The following CCNQ variants were observed in gnomAD, a reference collection of about 807,000 sequenced individuals.
The protein encoded by CCNQ is cyclin Q.
In CCNQ, 3 loss-of-function variants were observed where a neutral mutation model predicts 17.7. That is an observed-to-expected ratio of 0.17 (90% confidence interval 0.08 to 0.44). CCNQ has a LOEUF of 0.44. CCNQ is among the 20% of genes least tolerant of loss of function. CCNQ has a pLI of 0.99. For missense variants in CCNQ, 146 were observed against 222.6 expected, an observed-to-expected ratio of 0.66 and a Z score of 2.19; for synonymous variants, 73 against 96.0, an observed-to-expected ratio of 0.76 and a Z score of 1.40.
chrX:153,592,745 C>T lies in CCNQ; in HGVS notation c.430-12G>A, dbSNP rs377148166. ...TAGTGGAGCAGGTACTGCAAAGACA[C>T]GTGTGTCAGCCTTTAGGCCCACCAG... On this transcript the variant is annotated splice_polypyrimidine_tract_variant and intron_variant, in intron 3 of 4. Coordinates refer to ENST00000576892, the MANE Select transcript of CCNQ (RefSeq NM_152274.5). 3.7e-4 allele frequency: 439 copies of T among 1,192,391 alleles called. No homozygotes were observed. The highest frequency in any genetic ancestry group is 4.6e-4 in the Middle Eastern group (2 of 4,329).
rs2090969430 is a variant in CCNQ at position 153,588,444 on chromosome X, T to G, written c.668A>C (p.Asp223Ala). The change falls in exon 5 of 5, where the codon GAC becomes GCC. Residue 223 changes from aspartate to alanine, a missense_variant. Physicochemically the swap from Asp to Ala is moderately radical, Grantham distance 126 (BLOSUM62 -2). Coordinates refer to ENST00000576892, the MANE Select transcript of CCNQ (RefSeq NM_152274.5). Reference protein sequence around the residue: ...AEKPWWQVFNDDLTKPIIDNI... With the variant: ...AEKPWWQVFNADLTKPIIDNI... ...ATCAATGATTGGCTTGGTAAGGTCG[T>G]CATTAAACACCTAGAAAGAAGAAGG... The G allele has an allele frequency of 8.3e-7, 1 of 1,200,386 alleles. No individual in the cohort carries two copies. The highest frequency in any genetic ancestry group is 2.2e-5 in the Admixed American group (1 of 45,857).
intron 1 of CCNQ, 31 bp downstream of exon 1, chrX:153,598,931 G>C: frequency 9.5e-7 from 1 of 1,051,520 alleles, no homozygotes; most frequent in Non-Finnish European, 1.3e-6. Context: ...CCGCGGCGCC[G>C]CCTGTCCTGG....
Position 153,596,206 on chromosome X carries a change from C to A in CCNQ, c.113-19G>T, listed in dbSNP as rs1185168027. On this transcript the variant is annotated intron_variant, in intron 1 of 4. Transcript: ENST00000576892. ...TTGACACCTGCGGAGAGAAAGCAGG[C>A]AAGAGAGGACTTCAATCCAGCGCTG... 2 of 1,207,241 alleles carry A rather than the reference C, an allele frequency of 1.7e-6. No homozygotes were observed. The highest frequency in any genetic ancestry group is 2.2e-6 in the Non-Finnish European group (2 of 892,363).
At chrX:153,595,205 C>A (rs886102675) in intron 2 of CCNQ, among the ~76,000 whole-genome samples, 11 of 113,325 alleles carry the variant, frequency 9.7e-5, no homozygotes, top group African/African-American at 3.5e-4. Context: ...GCAGCCTTGA[C>A]CTCCTGGGCT....
rs1256747281 is a variant in CCNQ at position 153,594,598 on chromosome X, A to C, written c.378T>G (p.Leu126=). Reference sequence around the variant, plus strand: ...GGAAGCGCAGAACTCTCAGCATGAGAAGCTCACACTGCACGATGCTGTCCC... The same window carrying C: ...GGAAGCGCAGAACTCTCAGCATGAGCAGCTCACACTGCACGATGCTGTCCC... The part of the protein sequence containing the change: ...ELRDSIVQCE[L]LMLRVLRFQV... The change falls in exon 3 of 5, where the codon CTT becomes CTG. Residue 126 remains leucine, a synonymous_variant. Coordinates refer to ENST00000576892, the MANE Select transcript of CCNQ (RefSeq NM_152274.5). 84 of 1,211,083 alleles carry C rather than the reference A, an allele frequency of 6.9e-5. No individual in the cohort carries two copies. Among genetic ancestry groups the C allele is most frequent in the Non-Finnish European group, 9.3e-5 (83 of 895,048 alleles).
intron 2 of CCNQ, among the ~76,000 whole-genome samples, chrX:153,595,388 G>A (rs1425421043): frequency 1.8e-5 from 2 of 113,757 alleles, no homozygotes; most frequent in Non-Finnish European, 3.7e-5. Flanking sequence ...AAAGTGCTGG[G>A]ATCACAGGCG....
chrX:153,589,379 G>A (rs1464214252), intron 4 of CCNQ, among the ~76,000 whole-genome samples: 2 of 113,043 alleles, frequency 1.8e-5, no homozygotes, highest in African/African-American at 6.4e-5. Context: ...TCCCCTGGGC[G>A]AGGAGCCGCT....
chrX:153,596,949 G>A (rs782260222), intron 1 of CCNQ, among the ~76,000 whole-genome samples: 1 of 112,236 alleles, frequency 8.9e-6, no homozygotes, highest in East Asian at 2.8e-4. Context: ...AGGCAACAGA[G>A]TGAGACCCTG....
At chrX:153,596,422 C>A (rs781828906) in intron 1 of CCNQ, among the ~76,000 whole-genome samples, 2 of 112,080 alleles carry the variant, frequency 1.8e-5, no homozygotes, top group East Asian at 2.8e-4. Context: ...TGTAGGTCTG[C>A]GGCTCTGAGA....
chrX:153,594,265 C>A (rs1400712906), intron 3 of CCNQ, among the ~76,000 whole-genome samples: 1 of 112,600 alleles, frequency 8.9e-6, no homozygotes, highest in Non-Finnish European at 1.9e-5. Flanking sequence ...ACAGGAGCTG[C>A]CACAGCTTCA....
At chrX:153,589,231 G>A (rs916393794) in intron 4 of CCNQ, among the ~76,000 whole-genome samples, 12 of 113,003 alleles carry the variant, frequency 1.1e-4, no homozygotes, top group African/African-American at 2.2e-4. Flanking sequence ...GGTTGGCCAC[G>A]CAGGCGCTCC....
At position 153,588,152 on chromosome X, in the gene CCNQ, G is replaced by A. The variant is rs1194558024; in HGVS notation, c.*213C>T. On this transcript the variant is annotated 3_prime_UTR_variant, in exon 5 of 5. Transcript: ENST00000576892. ...CACACAGTACACTCCCGGCCTGCCC[G>A]CTGGAGGCGCGGCTCCCACCATCAC... The A allele has an allele frequency of 3.7e-5, 19 of 519,858 alleles. No individual in the cohort carries two copies. Among genetic ancestry groups the A allele is most frequent in the South Asian group, 1.8e-4 (7 of 39,588 alleles). The allele number at this position is 519,858 out of a possible 1,213,427, so 42.8% of individuals were successfully genotyped here.
rs2091036021 is a variant in CCNQ, at chrX:153,597,480, T to G, written c.113-1293A>C. 5.4e-5 allele frequency: 6 copies of G among 111,890 alleles called. No individual in the cohort carries two copies. The South Asian group carries it at 2.2e-3, about 42-fold the overall frequency. 9.2% of individuals were successfully genotyped at this position (111,890 alleles called of 1,213,427 possible). A position where few individuals can be genotyped will look rare whatever the true frequency, so the allele number is the denominator to read the frequency against. On this transcript the variant is annotated intron_variant, in intron 1 of 4. Coordinates refer to ENST00000576892, the MANE Select transcript of CCNQ (RefSeq NM_152274.5). ...TGGTTGCTGGCCCCTTCCTCCATCT[T>G]CAAAGCTTCTAACTCTGCTTCTGTC...
intron 4 of CCNQ, among the ~76,000 whole-genome samples, chrX:153,590,934 C>T (rs1424172107): frequency 8.9e-6 from 1 of 111,913 alleles, no homozygotes; most frequent in Non-Finnish European, 1.9e-5. Context: ...AGCAGCATTG[C>T]GTGACGACCT....
Position 153,596,158 on chromosome X carries a change from T to A in CCNQ, c.142A>T (p.Ile48Phe). The change falls in exon 2 of 5, where the codon ATT (isoleucine) becomes TTT (phenylalanine). Residue 48 changes from isoleucine (I) to phenylalanine (F), a missense_variant. Transcript: ENST00000576892. ...GVKLGMRSIP[I>F]ATACTIYHKF... ...TGGTAAATGGTGCAAGCAGTGGCAA[T>A]GGGAATGGACCGCATCCCTAGCTTG... The A allele has an allele frequency of 8.3e-7, 1 of 1,212,025 alleles. No homozygotes were observed. The highest frequency in any genetic ancestry group is 1.1e-6 in the Non-Finnish European group (1 of 895,549).
rs188330990 is a variant in CCNQ, at chrX:153,588,161, G to C, written c.*204C>G. On this transcript the variant is annotated 3_prime_UTR_variant, in exon 5 of 5. Coordinates refer to ENST00000576892, the MANE Select transcript of CCNQ (RefSeq NM_152274.5). ...CACTCCCGGCCTGCCCGCTGGAGGC[G>C]CGGCTCCCACCATCACCTGCACCGC... 2 of 524,251 alleles carry C rather than the reference G, an allele frequency of 3.8e-6. No homozygotes were observed. Among genetic ancestry groups the C allele is most frequent in the Non-Finnish European group, 7.0e-6 (2 of 286,094 alleles). 43.2% of individuals were successfully genotyped at this position (524,251 alleles called of 1,213,427 possible).
At chrX:153,595,973 G>A in intron 2 of CCNQ, 31 bp downstream of exon 2, 4 of 1,209,030 alleles carry the variant, frequency 3.3e-6, no homozygotes, top group Non-Finnish European at 4.5e-6. Flanking sequence ...CCCACCGGGT[G>A]GAGATCAGGA....
rs1557025046 is a variant in CCNQ at position 153,588,385 on chromosome X, T to C, written c.727A>G (p.Met243Val). The change falls in exon 5 of 5, where the codon ATG becomes GTG. Residue 243 changes from methionine to valine, a missense_variant. By Grantham distance (21) the Met-to-Val change is conservative. Coordinates refer to ENST00000576892, the MANE Select transcript of CCNQ (RefSeq NM_152274.5). ...GGACCTTAGGGGATCTCTGTGTCCATGGTATAAATCTGAATGAGATCAGAC... is the reference window on the plus strand; with the variant it reads ...GGACCTTAGGGGATCTCTGTGTCCACGGTATAAATCTGAATGAGATCAGAC... ...IVSDLIQIYT[M>V]DTEIP 8.3e-7 allele frequency: 1 copy of C among 1,208,614 alleles called. No individual in the cohort carries two copies. Among genetic ancestry groups the C allele is most frequent in the Admixed American group, 2.2e-5 (1 of 45,969 alleles).
rs1557027905 is a variant in CCNQ, at chrX:153,599,129, G to C, written c.-56C>G. ...CGGCCCCGGCGCGCAGAAGCCGGCA[G>C]AACTGGAGGTGCTCGCGGCGGGCGC... On this transcript the variant is annotated 5_prime_UTR_variant, in exon 1 of 5. Coordinates refer to ENST00000576892, the MANE Select transcript of CCNQ (RefSeq NM_152274.5). The C allele has an allele frequency of 3.3e-6, 2 of 602,614 alleles. No homozygotes were observed. The highest frequency in any genetic ancestry group is 5.0e-5 in the African/African-American group (2 of 39,938). 49.7% of individuals were successfully genotyped at this position (602,614 alleles called of 1,213,427 possible).
Sources: allele counts gnomAD v4.1 joint callset (sites outside exome capture counted in the v4.1 genomes callset), GRCh38; gene constraint gnomAD v4.1.1; transcripts MANE v1.5; gene names NCBI Gene and HGNC (gene_info 2026-07-23, HGNC 2026-07-21).